The following UNC93B1 variants were observed in gnomAD, a reference collection of about 807,000 sequenced individuals.
UNC93B1 encodes unc-93B1 regulator of TLR signaling.
A neutral mutation model predicts 56.8 loss-of-function variants in UNC93B1; 33 were observed. The observed-to-expected ratio is 0.58, with a 90% CI of 0.44 to 0.78. The LOEUF is 0.78. UNC93B1 is among the 30% of genes least tolerant of loss of function. The pLI, the probability that UNC93B1 is intolerant of heterozygous loss-of-function variation, is 0.00. For missense variants in UNC93B1, 673 were observed against 819.5 expected (o/e 0.82, Z 2.18); for synonymous variants, 334 against 358.6 (o/e 0.93, Z 0.77).
Position 67,991,677 on chromosome 11 carries a change from C to G in UNC93B1, c.1663G>C (p.Glu555Gln), listed in dbSNP as rs1385511565. The change falls in exon 11 of 11, where the codon GAG becomes CAG. Residue 555 changes from glutamate to glutamine, a missense_variant. By Grantham distance (29) the Glu-to-Gln change is conservative (BLOSUM62 2). Coordinates refer to ENST00000227471, the MANE Select transcript of UNC93B1 (RefSeq NM_030930.4). Reference sequence around the variant, plus strand: ...TCCTCCTCCGCGCCGTCCCCATGCTCGCCCTCCGCGTCGCTCTCGTCCGAG... The same window carrying G: ...TCCTCCTCCGCGCCGTCCCCATGCTGGCCCTCCGCGTCGCTCTCGTCCGAG... ...DNSDESDAEG[E>Q]HGDGAEEEAP... 3 of 1,531,268 alleles carry G rather than the reference C, an allele frequency of 2.0e-6. No individual in the cohort carries two copies. The East Asian group carries it at 7.4e-5, about 38-fold the overall frequency. The allele number at this position is 1,531,268 out of a possible 1,614,324, so 94.9% of individuals were successfully genotyped here.
intron 5 of UNC93B1, 32 bp from the exon 6 acceptor site, chr11:67,998,484 C>G (rs753765584): frequency 6.2e-7 from 1 of 1,610,340 alleles, no homozygotes; most frequent in South Asian, 1.1e-5. Context: ...GGACCAGACT[C>G]AGGCACAGAG....
chr11:68,003,870 C>A lies in UNC93B1; in HGVS notation c.97-72G>T. On this transcript the variant is annotated intron_variant, in intron 1 of 10. Transcript: ENST00000227471. This position sits in a 1 kb window ranked among gnomAD's most constrained non-coding sequence, Gnocchi z 4.4. ...CGTGTCCCCCGGTGCCCGCCGCCCC[C>A]CGGCCCGCCCCGCCCCCGCCGGGGG... 7.7e-7 allele frequency: 1 copy of A among 1,295,316 alleles called. No homozygotes were observed. Among genetic ancestry groups the A allele is most frequent in the Non-Finnish European group, 9.7e-7 (1 of 1,028,088 alleles). 80.2% of individuals were successfully genotyped at this position (1,295,316 alleles called of 1,614,324 possible).
Position 68,003,194 on chromosome 11 carries a change from G to A in UNC93B1, c.239-19C>T. On this transcript the variant is annotated intron_variant, in intron 2 of 10. Transcript: ENST00000227471. This position sits in a 1 kb window ranked among gnomAD's most constrained non-coding sequence, Gnocchi z 4.4. ...AGGAGGCCTGGGGACAGGACAGAGA[G>A]CGGCGTGCAGGGAGCAGCCTAGCTT... 1 of 1,603,016 alleles carries A rather than the reference G, an allele frequency of 6.2e-7. No homozygotes were observed. Among genetic ancestry groups the A allele is most frequent in the Non-Finnish European group, 8.5e-7 (1 of 1,177,860 alleles).
At position 67,993,696 on chromosome 11, in the gene UNC93B1, C is replaced by T. The variant is rs1197318542; in HGVS notation, c.1462G>A (p.Gly488Ser). Reference sequence around the variant, plus strand: ...CTCACCTTCATGTGCAGGCTCGAGCCCAGGTACACGGTGAAGATGGCCACA... The same window carrying T: ...CTCACCTTCATGTGCAGGCTCGAGCTCAGGTACACGGTGAAGATGGCCACA... ...QAVAIFTVYLGSSLHMKAKLA... is the reference protein window; with the variant it reads ...QAVAIFTVYLSSSLHMKAKLA... The change falls in exon 10 of 11, where the codon GGC becomes AGC. Residue 488 changes from glycine to serine, a missense_variant. Physicochemically the swap from Gly to Ser is moderately conservative, Grantham distance 56. This residue lies in a region of UNC93B1 where 155 missense variants were observed against 268.3 expected (regional missense o/e 0.58). Transcript: ENST00000227471. The T allele has an allele frequency of 3.3e-6, 4 of 1,226,736 alleles. No individual in the cohort carries two copies. The highest frequency in any genetic ancestry group is 4.6e-6 in the Non-Finnish European group (4 of 866,636). The allele number at this position is 1,226,736 out of a possible 1,614,324, so 76.0% of individuals were successfully genotyped here.
intron 3 of UNC93B1, among the ~76,000 whole-genome samples, 193 bp from the exon 4 acceptor site, chr11:67,999,873 C>A (rs1356511373): frequency 6.6e-6 from 1 of 152,242 alleles, no homozygotes; most frequent in Non-Finnish European, 1.5e-5. Flanking sequence ...CCTCAGTTTT[C>A]CCAGCTGTAA....
chr11:68,003,709 C>G lies in UNC93B1; in HGVS notation c.186G>C (p.Lys62Asn). Reference protein sequence around the residue: ...YYRRKRLGVLKNVLAASAGGM... With the variant: ...YYRRKRLGVLNNVLAASAGGM... ...CCCCGGCGCTGGCAGCCAGCACGTT[C>G]TTGAGCACGCCCAGGCGCTTGCGGC... The change falls in exon 2 of 11, where the codon AAG becomes AAC. Residue 62 changes from lysine to asparagine, a missense_variant. This residue lies in a region of UNC93B1 where 438 missense variants were observed against 465.9 expected (regional missense o/e 0.94). Coordinates refer to ENST00000227471, the MANE Select transcript of UNC93B1 (RefSeq NM_030930.4). This position sits in a 1 kb window ranked among gnomAD's most constrained non-coding sequence, Gnocchi z 4.4. 2 of 1,530,210 alleles carry G rather than the reference C, an allele frequency of 1.3e-6. No homozygotes were observed. Among genetic ancestry groups the G allele is most frequent in the Non-Finnish European group, 1.7e-6 (2 of 1,143,684 alleles). The allele number at this position is 1,530,210 out of a possible 1,614,324, so 94.8% of individuals were successfully genotyped here.
At chr11:68,002,757 G>C (rs1028173358) in intron 3 of UNC93B1, among the ~76,000 whole-genome samples, 5 of 152,308 alleles carry the variant, frequency 3.3e-5, no homozygotes, top group African/African-American at 1.2e-4. Flanking sequence ...AGGGTGCCAC[G>C]TGAGGCCCAG....
chr11:67,998,962 G>C (rs1012845815), intron 5 of UNC93B1, among the ~76,000 whole-genome samples: 4 of 152,072 alleles, frequency 2.6e-5, no homozygotes, highest in African/African-American at 9.7e-5. Flanking sequence ...ACAGTGGTGT[G>C]CGCATGTAGT....
Position 68,004,065 on chromosome 11 carries a change from G to A in UNC93B1, c.-22C>T. 1 of 1,327,210 alleles carries A rather than the reference G, an allele frequency of 7.5e-7. No homozygotes were observed. Among genetic ancestry groups the A allele is most frequent in the Non-Finnish European group, 9.6e-7 (1 of 1,036,482 alleles). The allele number at this position is 1,327,210 out of a possible 1,614,324, so 82.2% of individuals were successfully genotyped here. A position where few individuals can be genotyped will look rare whatever the true frequency, so the allele number is the denominator to read the frequency against. On this transcript the variant is annotated 5_prime_UTR_variant, in exon 1 of 11. Transcript: ENST00000227471. ...CCATGGCCCGAACTACTGCGGACTC[G>A]CGGCGGTCGCCCCGGAGTCCCTGCG...
At chr11:67,995,060 A>G (rs1203744245) in intron 9 of UNC93B1, among the ~76,000 whole-genome samples, 1 of 152,116 alleles carries the variant, frequency 6.6e-6, no homozygotes, top group Non-Finnish European at 1.5e-5. Flanking sequence ...GCTCCTCTCT[A>G]TACAAAGGCC....
rs4014581 is a variant in UNC93B1 at position 67,991,475 on chromosome 11, C to T, written c.*71G>A. On this transcript the variant is annotated 3_prime_UTR_variant, in exon 11 of 11. Coordinates refer to ENST00000227471, the MANE Select transcript of UNC93B1 (RefSeq NM_030930.4). ...AGACAGCGCGGGACTCGGAGGGGGT[C>T]CCCCCGACCTCAGACGTGGTAAACT... 81 of 1,325,758 alleles carry T rather than the reference C, an allele frequency of 6.1e-5. No homozygotes were observed. Among genetic ancestry groups the T allele is most frequent in the Non-Finnish European group, 7.0e-5 (72 of 1,032,130 alleles). The allele number at this position is 1,325,758 out of a possible 1,614,324, so 82.1% of individuals were successfully genotyped here. A position where few individuals can be genotyped will look rare whatever the true frequency, so the allele number is the denominator to read the frequency against.
intron 7 of UNC93B1, among the ~76,000 whole-genome samples, chr11:67,997,260 T>C (rs934679761): frequency 0.025 from 1 of 40 alleles, no homozygotes; most frequent in Non-Finnish European, 0.045. Context: ...ATCGCCAGGC[T>C]GCAGCATGCC....
At position 68,003,966 on chromosome 11, in the gene UNC93B1, C is replaced by T; in HGVS notation, c.78G>A (p.Pro26=). The change falls in exon 1 of 11, where the codon CCG becomes CCA. Residue 26 remains proline, a synonymous_variant. Transcript: ENST00000227471. This position sits in a 1 kb window ranked among gnomAD's most constrained non-coding sequence, Gnocchi z 4.4. The stretch of plus-strand genomic sequence containing the variant: ...CGCTCACCGGGGCCTCGGGCCCGTC[C>T]GGGACCCCGAGCAGGTCCTCGTCGC... ...PQGDEDLLGV[P]DGPEAPLDEL... is the part of the protein sequence containing the mutation. The T allele has an allele frequency of 7.2e-7, 1 of 1,396,602 alleles. No individual in the cohort carries two copies. The highest frequency in any genetic ancestry group is 9.3e-7 in the Non-Finnish European group (1 of 1,071,710). The allele number at this position is 1,396,602 out of a possible 1,614,324, so 86.5% of individuals were successfully genotyped here. A position where few individuals can be genotyped will look rare whatever the true frequency, so the allele number is the denominator to read the frequency against.
In UNC93B1 at chr11:67,999,574, C is replaced by A; in HGVS notation, c.499G>T (p.Ala167Ser). 6.3e-7 allele frequency: 1 copy of A among 1,586,320 alleles called. No individual in the cohort carries two copies. The highest frequency in any genetic ancestry group is 8.6e-7 in the Non-Finnish European group (1 of 1,167,366). ...AGAGGCACGATGGCCATGCCCAGGG[C>A]CACAGCCGAGGGCACAAGCGTGTAG... Reference protein sequence around the residue: ...RYYTLVPSAVALGMAIVPLWA... With the variant: ...RYYTLVPSAVSLGMAIVPLWA... Residue 167 changes from alanine (A) to serine (S), a missense_variant, in exon 4 of 11, where the codon GCC (alanine) becomes TCC (serine). By Grantham distance (99) the Ala-to-Ser change is moderately conservative (BLOSUM62 1). Around this residue, in one of 3 missense-constraint regions of UNC93B1, gnomAD observed 438 missense variants for 465.9 expected, o/e 0.94. Coordinates refer to ENST00000227471, the MANE Select transcript of UNC93B1 (RefSeq NM_030930.4).
At position 68,003,521 on chromosome 11, in the gene UNC93B1, C is replaced by CG. The variant is rs1293230816; in HGVS notation, c.238+135dup. The CG allele has an allele frequency of 1.5e-5, 19 of 1,286,640 alleles. No individual in the cohort carries two copies. The highest frequency in any genetic ancestry group is 3.5e-5 in the Admixed American group (1 of 28,358). 79.7% of individuals were successfully genotyped at this position (1,286,640 alleles called of 1,614,324 possible). ...TGACCCCCCAACCCCACCCCCGCCG[C>CG]GGGGGGCCGTGGCTGCAGCTGCGAG... On this transcript the variant is annotated intron_variant, in intron 2 of 10. Transcript: ENST00000227471. This position sits in a 1 kb window ranked among gnomAD's most constrained non-coding sequence, Gnocchi z 4.4.
chr11:68,003,987 G>A lies in UNC93B1; in HGVS notation c.57C>T (p.Asp19=). 7.1e-7 allele frequency: 1 copy of A among 1,399,488 alleles called. No homozygotes were observed. The highest frequency in any genetic ancestry group is 2.6e-5 in the Admixed American group (1 of 37,808). 86.7% of individuals were successfully genotyped at this position (1,399,488 alleles called of 1,614,324 possible). Residue 19 remains aspartate, a synonymous_variant, in exon 1 of 11, where the codon GAC becomes GAT. Coordinates refer to ENST00000227471, the MANE Select transcript of UNC93B1 (RefSeq NM_030930.4). This position sits in a 1 kb window ranked among gnomAD's most constrained non-coding sequence, Gnocchi z 4.4. Reference sequence around the variant, plus strand: ...CGTCCGGGACCCCGAGCAGGTCCTCGTCGCCCTGCGGCCCCGCAGCCCCCG... The same window carrying A: ...CGTCCGGGACCCCGAGCAGGTCCTCATCGCCCTGCGGCCCCGCAGCCCCCG... ...PMAGAAGPQG[D]EDLLGVPDGP... is the part of the protein sequence containing the mutation.
Position 68,003,527 on chromosome 11 carries a change from G to T in UNC93B1, c.238+130C>A. ...CCCAACCCCACCCCCGCCGCGGGGG[G>T]CCGTGGCTGCAGCTGCGAGGGCAGC... On this transcript the variant is annotated intron_variant, in intron 2 of 10. Transcript: ENST00000227471. This position sits in a 1 kb window ranked among gnomAD's most constrained non-coding sequence, Gnocchi z 4.4. The T allele has an allele frequency of 1.5e-6, 2 of 1,301,212 alleles. No homozygotes were observed. Among genetic ancestry groups the T allele is most frequent in the Middle Eastern group, 2.8e-4 (1 of 3,634 alleles). 80.6% of individuals were successfully genotyped at this position (1,301,212 alleles called of 1,614,324 possible).
chr11:67,991,579 C>T lies in UNC93B1; in HGVS notation c.1761G>A (p.Gln587=). 3 of 1,492,804 alleles carry T rather than the reference C, an allele frequency of 2.0e-6. No homozygotes were observed. The highest frequency in any genetic ancestry group is 2.7e-6 in the Non-Finnish European group (3 of 1,128,858). The allele number at this position is 1,492,804 out of a possible 1,614,324, so 92.5% of individuals were successfully genotyped here. The change falls in exon 11 of 11, where the codon CAG becomes CAA. Residue 587 remains glutamine, a synonymous_variant. Transcript: ENST00000227471. ...CCTCCGGCCCGTCTCCCCCCTGCGC[C>T]TGTTCGTACGGGCAGGGCCGGCGGC... ...GLGRRPCPYE[Q]AQGGDGPEEQ is the part of the protein sequence containing the mutation.
intron 5 of UNC93B1, among the ~76,000 whole-genome samples, chr11:67,998,914 A>AAAAG: frequency 6.6e-6 from 1 of 152,216 alleles, no homozygotes; most frequent in Non-Finnish European, 1.5e-5. Flanking sequence ...CACCAAAAAA[A>AAAAG]AAAGAAAGAA....
Sources: allele counts gnomAD v4.1 joint callset (sites outside exome capture counted in the v4.1 genomes callset), GRCh38; gene constraint gnomAD v4.1.1; regional missense constraint gnomAD v4.1.1; non-coding constraint Gnocchi (gnomAD v3.1); transcripts MANE v1.5; gene names NCBI Gene and HGNC (gene_info 2026-07-23, HGNC 2026-07-21).